Variants in ST7 observed in about 807,000 individuals in gnomAD.
The protein encoded by ST7 is suppressor of tumorigenicity 7 protein.
ST7 carries 28 observed loss-of-function variants against 78.7 expected under a neutral mutation model. The observed-to-expected ratio is 0.36, with a 90% CI of 0.26 to 0.49. ST7 has a LOEUF of 0.49. ST7 is among the 20% of genes least tolerant of loss of function. ST7 has a pLI of 0.99. For missense variants in ST7, 418 were observed against 696.0 expected (o/e 0.60, Z 4.49); for synonymous variants, 247 against 249.6 (o/e 0.99, Z 0.10).
intron 1 of ST7, among the ~76,000 whole-genome samples, chr7:116,974,984 A>T (rs904018569): frequency 2.6e-5 from 4 of 152,158 alleles, no homozygotes; most frequent in Admixed American, 2.6e-4. Flanking sequence ...CCCTGATTAT[A>T]AGTAATATTT....
At position 117,020,539 on chromosome 7, in the gene ST7, C is replaced by T. The variant is rs1414986816; in HGVS notation, c.151+66848C>T. ...TTCACTCTCACATGTACACTCTCCT[C>T]GCTTTTCTTTCTTTTTTTTTTCCCT... On this transcript the variant is annotated intron_variant, in intron 1 of 15. Transcript: ENST00000323984. 3.2e-6 allele frequency: 5 copies of T among 1,538,464 alleles called. No individual in the cohort carries two copies. The East Asian group carries it at 7.3e-5, about 23-fold the overall frequency.
chr7:117,054,049 G>A (rs1247007921), intron 1 of ST7, among the ~76,000 whole-genome samples: 1 of 152,006 alleles, frequency 6.6e-6, no homozygotes, highest in Non-Finnish European at 1.5e-5. Flanking sequence ...TGTTGGCCAG[G>A]CTAGTTCCAA....
At chr7:116,990,760 C>G (rs1009230279) in intron 1 of ST7, among the ~76,000 whole-genome samples, 1 of 152,122 alleles carries the variant, frequency 6.6e-6, no homozygotes, top group Non-Finnish European at 1.5e-5. Context: ...CTTTTTCTTG[C>G]TTTGTTACTA....
At chr7:117,111,267 C>T (rs1198860381) in intron 2 of ST7, among the ~76,000 whole-genome samples, 1 of 152,082 alleles carries the variant, frequency 6.6e-6, no homozygotes, top group Non-Finnish European at 1.5e-5. Context: ...CTTCCTGGCC[C>T]CAGGGAGATA....
At chr7:117,045,025 A>G (rs1327456706) in intron 1 of ST7, among the ~76,000 whole-genome samples, 3 of 152,132 alleles carry the variant, frequency 2.0e-5, no homozygotes, top group African/African-American at 2.4e-5. Context: ...GAGGTTATCC[A>G]TGACTCCTTT....
chr7:117,103,247 A>G (rs544474286), intron 2 of ST7, among the ~76,000 whole-genome samples: 1 of 152,360 alleles, frequency 6.6e-6, no homozygotes, highest in Admixed American at 6.5e-5. Context: ...GAAATAGAAA[A>G]AAAAATCTAA....
At chr7:117,064,091 T>C (rs1319747066) in intron 1 of ST7, among the ~76,000 whole-genome samples, 1 of 152,162 alleles carries the variant, frequency 6.6e-6, no homozygotes, top group Non-Finnish European at 1.5e-5. Flanking sequence ...TTACCTTTGG[T>C]TTTTTTAATA....
intron 12 of ST7, among the ~76,000 whole-genome samples, chr7:117,197,686 T>C (rs760931525): frequency 1.3e-5 from 2 of 152,242 alleles, no homozygotes; most frequent in Non-Finnish European, 2.9e-5. Flanking sequence ...TTGCCACTAC[T>C]AGTTTGGTAG....
At chr7:117,117,702 G>T (rs112693813) in intron 2 of ST7, among the ~76,000 whole-genome samples, 1 of 152,136 alleles carries the variant, frequency 6.6e-6, no homozygotes, top group African/African-American at 2.4e-5. Context: ...AGCATGTGAG[G>T]TGTGCTGCCC....
At chr7:117,205,593 G>A (rs977474838) in intron 12 of ST7, among the ~76,000 whole-genome samples, 4 of 152,072 alleles carry the variant, frequency 2.6e-5, no homozygotes, top group Non-Finnish European at 5.9e-5. Context: ...GCCACCCAAG[G>A]TAGCCTCTAA....
At chr7:117,200,834 TAAA>T (rs1196054887) in intron 12 of ST7, among the ~76,000 whole-genome samples, 14 of 144,444 alleles carry the variant, frequency 9.7e-5, no homozygotes, top group African/African-American at 3.1e-4. Flanking sequence ...TTTTTTTTTT[TAAA>T]AAAAAAAGAA....
Position 117,161,591 on chromosome 7 carries a change from CTTTTT to C in ST7, c.964-9255_964-9251del, listed in dbSNP as rs60505994. Among the ~76,000 whole-genome samples the C allele has an allele frequency of 3.5e-3, 398 of 113,584 alleles. 2 individuals are homozygous for C. The highest frequency in any genetic ancestry group is 0.011 in the African/African-American group (342 of 30,558). The allele number at this position is 113,584 out of a possible 152,430, so 74.5% of individuals were successfully genotyped here. Reference sequence around the variant, plus strand: ...TTTTTTCAGTTTGTTTTCTTTCTTTCTTTTTTTTTTTTTTTTTTTTCTTTCCAAGA... The same window carrying C: ...TTTTTTCAGTTTGTTTTCTTTCTTTCTTTTTTTTTTTTTTTCTTTCCAAGA... On this transcript the variant is annotated intron_variant, in intron 9 of 15. Coordinates refer to ENST00000323984, the MANE Select transcript of ST7 (RefSeq NM_001369598.1).
intron 10 of ST7, among the ~76,000 whole-genome samples, chr7:117,171,907 A>G (rs1808018944): frequency 6.6e-6 from 1 of 151,252 alleles, no homozygotes; most frequent in Non-Finnish European, 1.5e-5. Flanking sequence ...AGAATTATTC[A>G]GATTACAAAA....
intron 1 of ST7, among the ~76,000 whole-genome samples, chr7:116,975,731 A>G (rs1470524042): frequency 6.6e-6 from 1 of 150,642 alleles, no homozygotes; most frequent in Non-Finnish European, 1.5e-5. Context: ...TTTGAAATTT[A>G]TATGGATTAG....
intron 1 of ST7, among the ~76,000 whole-genome samples, chr7:117,036,938 C>T (rs1213081108): frequency 2.0e-5 from 3 of 152,078 alleles, no homozygotes; most frequent in African/African-American, 7.2e-5. Context: ...GCCTAAAGGC[C>T]GCTTACAGAA....
intron 9 of ST7, among the ~76,000 whole-genome samples, chr7:117,156,369 A>G (rs1806688754): frequency 6.6e-6 from 1 of 152,220 alleles, no homozygotes; most frequent in Admixed American, 6.5e-5. Flanking sequence ...GGTGGTGGTC[A>G]TACCATTTAC....
intron 1 of ST7, among the ~76,000 whole-genome samples, chr7:116,983,684 C>T (rs1794062827): frequency 6.6e-6 from 1 of 152,126 alleles, no homozygotes; most frequent in African/African-American, 2.4e-5. Flanking sequence ...TGCTGAGTCT[C>T]AGTGCCGCTA....
At chr7:117,014,395 T>C (rs1404439464) in intron 1 of ST7, among the ~76,000 whole-genome samples, 1 of 152,230 alleles carries the variant, frequency 6.6e-6, no homozygotes, top group African/African-American at 2.4e-5. Context: ...TTCCAGCTGA[T>C]GTCTATTTTA....
intron 1 of ST7, among the ~76,000 whole-genome samples, chr7:116,969,912 G>T (rs1793325577): frequency 6.6e-6 from 1 of 152,014 alleles, no homozygotes. Context: ...CCTGTGTCTA[G>T]TAAAAATACA....
Sources: gnomAD v4.1 joint callset for allele counts (sites outside exome capture counted in the v4.1 genomes callset) on GRCh38, gnomAD v4.1.1 for gene constraint, MANE v1.5 for transcripts, NCBI Gene and HGNC (gene_info 2026-07-23, HGNC 2026-07-21) for gene names.